CCDC170: variants seen among roughly 807,000 people sequenced by gnomAD.
CCDC170 encodes the protein coiled-coil domain-containing protein 170.
CCDC170 carries 69 observed loss-of-function variants against 72.6 expected under a neutral mutation model. The observed-to-expected ratio is 0.95, with a 90% confidence interval of 0.78 to 1.16. The LOEUF is 1.16. Among genes scored for constraint, CCDC170 ranks in the 50% most tolerant of loss-of-function variants. The pLI is 0.00. For missense variants in CCDC170, 852 were observed against 832.5 expected (o/e 1.02, Z -0.29); for synonymous variants, 300 against 303.9 (o/e 0.99, Z 0.13).
In CCDC170 at chr6:151,618,862, T is replaced by C. The variant is rs1777013318; in HGVS notation, c.*715T>C. 6.6e-6 allele frequency: 1 copy of C among 151,906 alleles called. No homozygotes were observed. The highest frequency in any genetic ancestry group is 1.5e-5 in the Non-Finnish European group (1 of 68,028). 9.4% of individuals were successfully genotyped at this position (151,906 alleles called of 1,614,324 possible). A position where few individuals can be genotyped will look rare whatever the true frequency, so the allele number is the denominator to read the frequency against. On this transcript the variant is annotated 3_prime_UTR_variant, in exon 11 of 11. Transcript: ENST00000239374. ...CCTGTTTCTACTAAAAATACAAAAA[T>C]AAGCCAGGTGTGGTGGTGCATGACT... is the stretch of plus-strand genomic sequence containing the variant.
At chr6:151,590,000 C>G (rs1183846265) in intron 7 of CCDC170, among the ~76,000 whole-genome samples, 2 of 152,146 alleles carry the variant, frequency 1.3e-5, no homozygotes, top group Non-Finnish European at 2.9e-5. Flanking sequence ...CCAGCTGCCT[C>G]CTACATTGCC....
intron 4 of CCDC170, among the ~76,000 whole-genome samples, chr6:151,546,514 T>C (rs1782773874): frequency 6.6e-6 from 1 of 152,146 alleles, no homozygotes; most frequent in South Asian, 2.1e-4. Context: ...CGGGAGAGCC[T>C]GCCCTTCCCA....
At chr6:151,610,232 A>G (rs1776848845) in intron 9 of CCDC170, among the ~76,000 whole-genome samples, 1 of 152,224 alleles carries the variant, frequency 6.6e-6, no homozygotes, top group African/African-American at 2.4e-5. Flanking sequence ...TACAGAATAT[A>G]TTATTTTGAG....
chr6:151,496,825 T>G (rs1005610507), intron 1 of CCDC170, among the ~76,000 whole-genome samples: 1 of 152,250 alleles, frequency 6.6e-6, no homozygotes, highest in African/African-American at 2.4e-5. Context: ...TTTTTTCTTC[T>G]AAAACATGGA....
Position 151,615,561 on chromosome 6 carries a change from C to A in CCDC170, c.1829C>A (p.Thr610Asn). 1 of 1,613,850 alleles carries A rather than the reference C, an allele frequency of 6.2e-7. No homozygotes were observed. Among genetic ancestry groups the A allele is most frequent in the Non-Finnish European group, 8.5e-7 (1 of 1,179,840 alleles). ...ATGTCTGTCAAGTCAGAACTGGATACCACAGAACATGAGGCTAAGGAGAAT... is the reference window on the plus strand; with the variant it reads ...ATGTCTGTCAAGTCAGAACTGGATAACACAGAACATGAGGCTAAGGAGAAT... ...KLMSVKSELD[T>N]TEHEAKENKE... The change falls in exon 10 of 11, where the codon ACC becomes AAC. Residue 610 changes from threonine (T) to asparagine (N), a missense_variant. Thr to Asn is a moderately conservative substitution (Grantham distance 65). Coordinates refer to ENST00000239374, the MANE Select transcript of CCDC170 (RefSeq NM_025059.4).
At chr6:151,512,623 G>T (rs1484419410) in intron 1 of CCDC170, among the ~76,000 whole-genome samples, 2 of 152,180 alleles carry the variant, frequency 1.3e-5, no homozygotes, top group Non-Finnish European at 2.9e-5. Flanking sequence ...CTCGTTGCCT[G>T]TGGGTCCTTG....
intron 5 of CCDC170, among the ~76,000 whole-genome samples, chr6:151,555,222 GCT>G (rs1238077982): frequency 6.6e-6 from 1 of 151,998 alleles, no homozygotes; most frequent in African/African-American, 2.4e-5. Flanking sequence ...GGAAAATAAG[GCT>G]CTCTTACTAT....
chr6:151,514,906 C>T (rs1267160695), intron 1 of CCDC170, among the ~76,000 whole-genome samples: 2 of 152,196 alleles, frequency 1.3e-5, no homozygotes, highest in Non-Finnish European at 1.5e-5. Context: ...CACATTATTA[C>T]ATCAGCTTAG....
At chr6:151,548,052 T>C (rs1445060022) in intron 4 of CCDC170, among the ~76,000 whole-genome samples, 1 of 152,220 alleles carries the variant, frequency 6.6e-6, no homozygotes, top group African/African-American at 2.4e-5. Context: ...GGTTTGCTGA[T>C]GTGTGTTCCG....
At chr6:151,525,251 G>T (rs1782387489) in intron 1 of CCDC170, among the ~76,000 whole-genome samples, 1 of 152,058 alleles carries the variant, frequency 6.6e-6, no homozygotes, top group African/African-American at 2.4e-5. Context: ...TCTTTTAACT[G>T]CTTTGGAGAT....
intron 9 of CCDC170, among the ~76,000 whole-genome samples, chr6:151,598,512 A>G (rs1184277081): frequency 6.6e-6 from 1 of 152,186 alleles, no homozygotes; most frequent in Admixed American, 6.5e-5. Context: ...AATAGCAGCT[A>G]CAGCCGAGCC....
intron 1 of CCDC170, among the ~76,000 whole-genome samples, chr6:151,514,361 GAGGGAGGGAGGGAGGA>G (rs1782201047): frequency 1.1e-5 from 1 of 88,338 alleles, no homozygotes; most frequent in Admixed American, 1.2e-4. Context: ...GGGAGGGAGG[GAGGGAGGGAGGGAGGA>G]AGGAAGGAAG....
intron 7 of CCDC170, among the ~76,000 whole-genome samples, chr6:151,587,209 G>T (rs1776464683): frequency 6.6e-6 from 1 of 152,114 alleles, no homozygotes; most frequent in Non-Finnish European, 1.5e-5. Flanking sequence ...AAGAGAAGGA[G>T]CCCGCACTGA....
intron 7 of CCDC170, among the ~76,000 whole-genome samples, chr6:151,588,085 T>C (rs140995168): frequency 2.5e-3 from 375 of 152,192 alleles, no homozygotes; most frequent in African/African-American, 8.0e-3. Context: ...GCTATAGGAA[T>C]GATCGAGATG....
At chr6:151,558,454 T>C (rs571690184) in intron 5 of CCDC170, among the ~76,000 whole-genome samples, 1 of 152,284 alleles carries the variant, frequency 6.6e-6, no homozygotes, top group East Asian at 1.9e-4. Context: ...GTTGAGATCT[T>C]AGCCCTAAAA....
In CCDC170 at chr6:151,544,568, A is replaced by G. The variant is rs1782742491; in HGVS notation, c.444-4A>G. 6.2e-7 allele frequency: 1 copy of G among 1,608,448 alleles called. No homozygotes were observed. Among genetic ancestry groups the G allele is most frequent in the Admixed American group, 1.7e-5 (1 of 59,870 alleles). ...TTCTGACTTATTTGTTATTTGCCTA[A>G]CAGAAAGTGTTCAAAAGAAAATGAG... is the stretch of plus-strand genomic sequence containing the variant. On this transcript the variant is annotated splice_polypyrimidine_tract_variant and splice_region_variant and intron_variant, in intron 3 of 10. Transcript: ENST00000239374.
intron 1 of CCDC170, among the ~76,000 whole-genome samples, chr6:151,503,124 C>G (rs556008126): frequency 1.3e-5 from 2 of 152,108 alleles, no homozygotes; most frequent in East Asian, 3.9e-4. Flanking sequence ...TTGCAGTGAG[C>G]CGAGATCACG....
chr6:151,558,761 T>C (rs1025875734), intron 5 of CCDC170, among the ~76,000 whole-genome samples: 33 of 152,284 alleles, frequency 2.2e-4, no homozygotes, highest in Non-Finnish European at 2.2e-4. Context: ...TGTGTGTCTA[T>C]TTCATACCAA....
intron 1 of CCDC170, among the ~76,000 whole-genome samples, chr6:151,525,858 T>C (rs1782397608): frequency 2.6e-5 from 4 of 152,220 alleles, no homozygotes; most frequent in Admixed American, 2.0e-4. Flanking sequence ...ACAGGGTATA[T>C]GCCAAAGTGT....
Sources: allele counts gnomAD v4.1 joint callset (sites outside exome capture counted in the v4.1 genomes callset), GRCh38; gene constraint gnomAD v4.1.1; transcripts MANE v1.5; gene names NCBI Gene and HGNC (gene_info 2026-07-23, HGNC 2026-07-21).